BRWD1: variants seen among roughly 807,000 people sequenced by gnomAD.
BRWD1 encodes the protein bromodomain and WD repeat domain containing 1, also known as bromodomain and WD repeat-containing protein 1.
Under a neutral mutation model 251.2 loss-of-function variants are expected in BRWD1, and 82 were observed. The ratio of observed to expected loss-of-function variants is 0.33; its 90% CI spans 0.27 to 0.39. BRWD1 has a LOEUF of 0.39. Among genes scored for constraint, BRWD1 ranks in the 10% least tolerant of loss-of-function variants. The pLI, the probability that BRWD1 is intolerant of heterozygous loss-of-function variation, is 1.00. For synonymous variants in BRWD1, 918 were observed against 902.8 expected, an observed-to-expected ratio of 1.02 and a Z score of -0.30; for missense variants, 2,233 against 2,711.6, an observed-to-expected ratio of 0.82 and a Z score of 3.92.
chr21:39,320,904 G>A (rs2036740211), intron 1 of BRWD1: 1 of 151,732 alleles, frequency 6.6e-6, no homozygotes, highest in Admixed American at 6.6e-5. Context: ...CTGACCTCAG[G>A]TGATCCACTT....
intron 5 of BRWD1, chr21:39,297,033 C>T (rs1173528622): frequency 4.1e-6 from 4 of 985,148 alleles, no homozygotes; most frequent in East Asian, 2.3e-4. Flanking sequence ...ACAGAAAATC[C>T]TCTACTGAAG....
chr21:39,201,103 G>C (rs1295339786), intron 38 of BRWD1, among the ~76,000 whole-genome samples: 1 of 152,178 alleles, frequency 6.6e-6, no homozygotes, highest in Admixed American at 6.5e-5. Flanking sequence ...GACATAGTTT[G>C]CATGTCTCAC....
intron 8 of BRWD1, among the ~76,000 whole-genome samples, chr21:39,289,311 C>A (rs896322846): frequency 1.3e-5 from 2 of 152,138 alleles, no homozygotes; most frequent in African/African-American, 2.4e-5. Context: ...GTATTATTTT[C>A]CACTTCTTGA....
intron 12 of BRWD1, among the ~76,000 whole-genome samples, chr21:39,275,819 A>G (rs1240577837): frequency 1.3e-5 from 2 of 152,156 alleles, no homozygotes; most frequent in Non-Finnish European, 2.9e-5. Context: ...GATCACCTGA[A>G]GTCGGGAGTT....
At position 39,196,051 on chromosome 21, in the gene BRWD1, C is replaced by T; in HGVS notation, c.*208G>A. On this transcript the variant is annotated 3_prime_UTR_variant, in exon 41 of 41. Coordinates refer to ENST00000342449, the MANE Select transcript of BRWD1 (RefSeq NM_033656.4). Reference sequence around the variant, plus strand: ...AAATAGATCTGCCCCCAAAATGAAGCATATTTTGGCACCTGTGCTGAATGC... The same window carrying T: ...AAATAGATCTGCCCCCAAAATGAAGTATATTTTGGCACCTGTGCTGAATGC... The T allele has an allele frequency of 7.8e-7, 1 of 1,279,992 alleles. No homozygotes were observed. The highest frequency in any genetic ancestry group is 9.9e-7 in the Non-Finnish European group (1 of 1,015,226). The allele number at this position is 1,279,992 out of a possible 1,614,324, so 79.3% of individuals were successfully genotyped here.
chr21:39,281,632 C>A (rs2035459480), intron 8 of BRWD1, among the ~76,000 whole-genome samples: 1 of 152,146 alleles, frequency 6.6e-6, no homozygotes, highest in Non-Finnish European at 1.5e-5. Context: ...AAGTTTGAGG[C>A]CAGCCTGGCC....
intron 1 of BRWD1, among the ~76,000 whole-genome samples, chr21:39,319,374 C>G (rs1388138311): frequency 1.3e-5 from 2 of 152,194 alleles, no homozygotes; most frequent in African/African-American, 4.8e-5. Context: ...TGGCCCATGT[C>G]TGTCTCCAAG....
At chr21:39,294,654 CAAAAA>C (rs35545105) in intron 7 of BRWD1, among the ~76,000 whole-genome samples, 3 of 98,842 alleles carry the variant, frequency 3.0e-5, no homozygotes, top group Non-Finnish European at 5.7e-5. Context: ...GACTCCGTCT[CAAAAA>C]AAAAAAAAAA....
Position 39,190,109 on chromosome 21 carries a change from A to C in BRWD1, c.*6150T>G. 4 of 985,214 alleles carry C rather than the reference A, an allele frequency of 4.1e-6. No individual in the cohort carries two copies. The highest frequency in any genetic ancestry group is 4.8e-6 in the Non-Finnish European group (4 of 829,756). The allele number at this position is 985,214 out of a possible 1,614,324, so 61.0% of individuals were successfully genotyped here. On this transcript the variant is annotated 3_prime_UTR_variant, in exon 41 of 41. Coordinates refer to ENST00000342449, the MANE Select transcript of BRWD1 (RefSeq NM_033656.4). ...GACCACTTTAAATTATAACTCACAG[A>C]TATGTGTGTATTCTAAGATGGTATA...
At position 39,202,402 on chromosome 21, in the gene BRWD1, C is replaced by G; in HGVS notation, c.4508G>C (p.Gly1503Ala). The G allele has an allele frequency of 6.2e-7, 1 of 1,613,942 alleles. No individual in the cohort carries two copies. The highest frequency in any genetic ancestry group is 8.5e-7 in the Non-Finnish European group (1 of 1,179,862). Residue 1503 changes from glycine to alanine, a missense_variant, in exon 38 of 41, where the codon GGT becomes GCT. Around this residue, in one of 12 missense-constraint regions of BRWD1, gnomAD observed 928 missense variants for 970.0 expected, o/e 0.96. Coordinates refer to ENST00000342449, the MANE Select transcript of BRWD1 (RefSeq NM_033656.4). ...TGATTCTGCTGAATCTGAAGAGTCA[C>G]CAGAAGTAACACCTGAAGAGATACC... is the stretch of plus-strand genomic sequence containing the variant. Reference protein sequence around the residue: ...SAGISSGVTSGDSSDSAESSE... With the variant: ...SAGISSGVTSADSSDSAESSE...
Position 39,312,723 on chromosome 21 carries a change from C to A in BRWD1, c.198+118G>T, listed in dbSNP as rs540872432. On this transcript the variant is annotated intron_variant, in intron 4 of 40. Coordinates refer to ENST00000342449, the MANE Select transcript of BRWD1 (RefSeq NM_033656.4). ...GCCGGGAACGCAGCTATCCCCGGGC[C>A]GCCCCCCAGTGCGGGTCACACTTTG... 1.0e-4 allele frequency: 63 copies of A among 610,506 alleles called. No homozygotes were observed. In the African/African-American group the frequency reaches 1.1e-3, roughly 11 times the overall value. 37.8% of individuals were successfully genotyped at this position (610,506 alleles called of 1,614,324 possible). A position where few individuals can be genotyped will look rare whatever the true frequency, so the allele number is the denominator to read the frequency against.
chr21:39,221,764 C>T (rs189492803), intron 29 of BRWD1, among the ~76,000 whole-genome samples: 1 of 152,156 alleles, frequency 6.6e-6, no homozygotes, highest in Non-Finnish European at 1.5e-5. Context: ...GGCAAAATAG[C>T]TGGGTGGCAC....
chr21:39,259,087 T>C (rs576005294), intron 17 of BRWD1, among the ~76,000 whole-genome samples: 51 of 152,278 alleles, frequency 3.3e-4, no homozygotes, highest in African/African-American at 1.2e-3. Flanking sequence ...AGATTTAATT[T>C]CTTCTCTATG....
In BRWD1 at chr21:39,247,675, A is replaced by G. The variant is rs768935222; in HGVS notation, c.2481+26T>C. 7.6e-6 allele frequency: 12 copies of G among 1,583,204 alleles called. No homozygotes were observed. In the East Asian group the frequency reaches 2.5e-4, roughly 33 times the overall value. ...AGCCAAATTCATTTAAGATTATCTT[A>G]TAACATTTTAAAGTTTTCCACTCAC... On this transcript the variant is annotated intron_variant, in intron 21 of 40. Transcript: ENST00000342449.
chr21:39,224,270 CTT>C lies in BRWD1; in HGVS notation c.3382+136_3382+137del, dbSNP rs2033294621. ...AAACAGATAAACACGATGCTGTTGTCTTCTTTCAGTAAAGTTCAGTTACTGTA... is the reference window on the plus strand; with the variant it reads ...AAACAGATAAACACGATGCTGTTGTCCTTTCAGTAAAGTTCAGTTACTGTA... On this transcript the variant is annotated intron_variant, in intron 29 of 40. Transcript: ENST00000342449. The C allele has an allele frequency of 6.0e-6, 3 of 498,014 alleles. No individual in the cohort carries two copies. The Admixed American group carries it at 1.2e-4, about 20-fold the overall frequency. The allele number at this position is 498,014 out of a possible 1,614,324, so 30.8% of individuals were successfully genotyped here. A position where few individuals can be genotyped will look rare whatever the true frequency, so the allele number is the denominator to read the frequency against.
At position 39,258,522 on chromosome 21, in the gene BRWD1, C is replaced by G. The variant is rs145883608; in HGVS notation, c.2036G>C (p.Arg679Thr). ...TGTTTCTTCACCATTTGAAAGTCCT[C>G]TTGGAATAGTATCCTGATCTGCTCC... Reference protein sequence around the residue: ...RMGADQDTIPRGLSNGEETPR... With the variant: ...RMGADQDTIPTGLSNGEETPR... Residue 679 changes from arginine to threonine, a missense_variant, in exon 18 of 41, where the codon AGA becomes ACA. This residue lies in a region of BRWD1 where 73 missense variants were observed against 68.1 expected (regional missense o/e 1.07). Coordinates refer to ENST00000342449, the MANE Select transcript of BRWD1 (RefSeq NM_033656.4). 3.2e-4 allele frequency: 508 copies of G among 1,607,584 alleles called. No homozygotes were observed. Among genetic ancestry groups the G allele is most frequent in the Middle Eastern group, 5.0e-4 (3 of 6,036 alleles).
chr21:39,265,774 G>T (rs936341905), intron 15 of BRWD1, among the ~76,000 whole-genome samples: 1 of 152,156 alleles, frequency 6.6e-6, no homozygotes, highest in East Asian at 1.9e-4. Flanking sequence ...TTACTAAGAT[G>T]ACTAAGCACC....
chr21:39,233,089 G>A (rs1220593941), intron 23 of BRWD1, among the ~76,000 whole-genome samples: 1 of 152,038 alleles, frequency 6.6e-6, no homozygotes, highest in Non-Finnish European at 1.5e-5. Flanking sequence ...TTCACTCTGA[G>A]GAAAATCATA....
At chr21:39,229,537 C>A (rs1477439177) in intron 25 of BRWD1, 101 bp from the exon 26 acceptor site, 1 of 1,148,522 alleles carries the variant, frequency 8.7e-7, no homozygotes, top group Non-Finnish European at 1.2e-6. Flanking sequence ...ATTTAGGCTT[C>A]CAAACCCGCA....
Sources: gnomAD v4.1 joint callset for allele counts (sites outside exome capture counted in the v4.1 genomes callset) on GRCh38, gnomAD v4.1.1 for gene constraint, gnomAD v4.1.1 regional missense constraint, MANE v1.5 for transcripts, NCBI Gene and HGNC (gene_info 2026-07-23, HGNC 2026-07-21) for gene names.